Variants in AJM1 observed in about 807,000 individuals in gnomAD.
The protein encoded by AJM1 is uncharacterized protein C9orf172.
A neutral mutation model predicts 43.0 loss-of-function variants in AJM1; 22 were observed. The observed-to-expected ratio is 0.51, with a 90% confidence interval of 0.37 to 0.73. The LOEUF (loss-of-function observed/expected upper bound fraction) is 0.73. AJM1 is among the 30% of genes least tolerant of loss of function. AJM1 has a pLI of 0.00. For synonymous variants in AJM1, 719 were observed against 638.3 expected (o/e 1.13, Z -1.91); for missense variants, 1,305 against 1,343.3 (o/e 0.97, Z 0.45).
Position 136,846,323 on chromosome 9 carries a change from G to A in AJM1, c.1909G>A (p.Gly637Ser). Residue 637 changes from glycine to serine, a missense_variant, in exon 3 of 3, where the codon GGC becomes AGC. Around this residue, in one of 6 missense-constraint regions of AJM1, gnomAD observed 391 missense variants for 507.5 expected, o/e 0.77. Transcript: ENST00000436881. ...APPRSPPASA[G>S]SAEEPAAPGE... ...GCCACGCTCGCCCCCCGCCTCGGCC[G>A]GCAGCGCCGAGGAGCCCGCGGCCCC... 3.3e-6 allele frequency: 4 copies of A among 1,221,608 alleles called. No homozygotes were observed. Among genetic ancestry groups the A allele is most frequent in the Non-Finnish European group, 4.1e-6 (4 of 969,782 alleles). 75.7% of individuals were successfully genotyped at this position (1,221,608 alleles called of 1,614,324 possible).
rs1280486113 is a variant in AJM1 at position 136,842,478 on chromosome 9, G to A, written c.-255G>A. Among the ~76,000 whole-genome samples, 4 of 152,192 alleles carry A rather than the reference G, an allele frequency of 2.6e-5. No homozygotes were observed. The highest frequency in any genetic ancestry group is 4.4e-5 in the Non-Finnish European group (3 of 68,032). On this transcript the variant is annotated 5_prime_UTR_variant, in exon 1 of 3. Transcript: ENST00000436881. ...ACTGAGCAGCCAGGCCAGGATCCGC[G>A]CTGCTGCCTGGAAGCTTCTGCCCGT...
rs1434122193 is a variant in AJM1, at chr9:136,845,719, GCCC to G, written c.1307_1309del (p.Pro436del). ...GGCACGGCGGCACCGGCACCAGTCC[GCCC>G]CGGCTGGCCACCGACAGCCGCCACT... On this transcript the variant is annotated inframe_deletion, in exon 3 of 3. Transcript: ENST00000436881. The G allele has an allele frequency of 6.4e-7, 1 of 1,561,212 alleles. No individual in the cohort carries two copies. The highest frequency in any genetic ancestry group is 1.4e-5 in the African/African-American group (1 of 73,718).
Position 136,845,367 on chromosome 9 carries a change from C to G in AJM1, c.953C>G (p.Pro318Arg). ...TATCCGTCCGAGGAGCTCTCGGGGCCCAGTCCAAGGCGCATGGGCGGCTAC... is the reference window on the plus strand; with the variant it reads ...TATCCGTCCGAGGAGCTCTCGGGGCGCAGTCCAAGGCGCATGGGCGGCTAC... ...RPYPSEELSG[P>R]SPRRMGGYYA... The change falls in exon 3 of 3, where the codon CCC (proline) becomes CGC (arginine). Residue 318 changes from proline to arginine, a missense_variant. This residue lies in a region of AJM1 where 653 missense variants were observed against 549.1 expected (regional missense o/e 1.19). Transcript: ENST00000436881. 6.2e-7 allele frequency: 1 copy of G among 1,612,416 alleles called. No individual in the cohort carries two copies.
At position 136,847,291 on chromosome 9, in the gene AJM1, G is replaced by C; in HGVS notation, c.2877G>C (p.Glu959Asp). ...TGTGCATGATCATGGCCGCCTCCGAGCCGCGCGCGCTCGACTGGGTGGCCA... is the reference window on the plus strand; with the variant it reads ...TGTGCATGATCATGGCCGCCTCCGACCCGCGCGCGCTCGACTGGGTGGCCA... ...PFMCMIMAAS[E>D]PRALDWVASA... is the part of the protein sequence containing the mutation. Residue 959 changes from glutamate to aspartate, a missense_variant, in exon 3 of 3, where the codon GAG (glutamate) becomes GAC (aspartate). Physicochemically the swap from Glu to Asp is conservative, Grantham distance 45 (BLOSUM62 2). This residue lies in a region of AJM1 where 116 missense variants were observed against 113.4 expected (regional missense o/e 1.02). Coordinates refer to ENST00000436881, the MANE Select transcript of AJM1 (RefSeq NM_001080482.5). 6.4e-7 allele frequency: 1 copy of C among 1,556,614 alleles called. No individual in the cohort carries two copies. The highest frequency in any genetic ancestry group is 2.4e-5 in the East Asian group (1 of 41,034).
At position 136,845,356 on chromosome 9, in the gene AJM1, G is replaced by C. The variant is rs1332451683; in HGVS notation, c.942G>C (p.Glu314Asp). 4 of 1,612,418 alleles carry C rather than the reference G, an allele frequency of 2.5e-6. No individual in the cohort carries two copies. The highest frequency in any genetic ancestry group is 3.4e-6 in the Non-Finnish European group (4 of 1,179,838). Residue 314 changes from glutamate (E) to aspartate (D), a missense_variant, in exon 3 of 3, where the codon GAG becomes GAC. By Grantham distance (45) the Glu-to-Asp change is conservative. Coordinates refer to ENST00000436881, the MANE Select transcript of AJM1 (RefSeq NM_001080482.5). ...AYYPRPYPSE[E>D]LSGPSPRRMG... ...ACCCCAGGCCCTATCCGTCCGAGGA[G>C]CTCTCGGGGCCCAGTCCAAGGCGCA...
At chr9:136,843,248 G>T (rs534868294) in intron 1 of AJM1, among the ~76,000 whole-genome samples, 1 of 152,370 alleles carries the variant, frequency 6.6e-6, no homozygotes, top group South Asian at 2.1e-4. Flanking sequence ...GTGTGCAGAG[G>T]CCAGGCCTGT....
chr9:136,844,074 G>A (rs1252186798), intron 1 of AJM1, among the ~76,000 whole-genome samples, 122 bp from the exon 2 acceptor site: 1 of 152,156 alleles, frequency 6.6e-6, no homozygotes, highest in Non-Finnish European at 1.5e-5. Context: ...AGCTTCACGC[G>A]GGAGCTCCCG....
At position 136,845,150 on chromosome 9, in the gene AJM1, T is replaced by C. The variant is rs1454214271; in HGVS notation, c.736T>C (p.Cys246Arg). 2 of 1,581,516 alleles carry C rather than the reference T, an allele frequency of 1.3e-6. No homozygotes were observed. The highest frequency in any genetic ancestry group is 1.7e-6 in the Non-Finnish European group (2 of 1,169,312). Residue 246 changes from cysteine (C) to arginine (R), a missense_variant, in exon 3 of 3, where the codon TGT (cysteine) becomes CGT (arginine). This residue lies in a region of AJM1 where 653 missense variants were observed against 549.1 expected (regional missense o/e 1.19). Transcript: ENST00000436881. ...CACCCCGACGCCCAGCGACTCATACTGTGCGGATCCCCGGGCGTTCTACTG... is the reference window on the plus strand; with the variant it reads ...CACCCCGACGCCCAGCGACTCATACCGTGCGGATCCCCGGGCGTTCTACTG... ...SRTPTPSDSY[C>R]ADPRAFYCDG... is the part of the protein sequence containing the mutation.
rs1049369287 is a variant in AJM1, at chr9:136,847,500, G to A, written c.*155G>A. 1.3e-5 allele frequency: 8 copies of A among 597,118 alleles called. No individual in the cohort carries two copies. The highest frequency in any genetic ancestry group is 4.2e-5 in the Admixed American group (1 of 23,962). 37.0% of individuals were successfully genotyped at this position (597,118 alleles called of 1,614,324 possible). A position where few individuals can be genotyped will look rare whatever the true frequency, so the allele number is the denominator to read the frequency against. On this transcript the variant is annotated 3_prime_UTR_variant, in exon 3 of 3. Transcript: ENST00000436881. ...CGCCTCTAATTCCCCAGCCTTCCAAGCTCCGCTCAGTTCGGCCTCCAGCTC... is the reference window on the plus strand; with the variant it reads ...CGCCTCTAATTCCCCAGCCTTCCAAACTCCGCTCAGTTCGGCCTCCAGCTC...
rs913856987 is a variant in AJM1 at position 136,847,642 on chromosome 9, C to T, written c.*297C>T. ...CGGGCCTCCTCCCTCTCCCAGCTCG[C>T]CCTCGAGGATCCCCAGAAGAAGTCG... On this transcript the variant is annotated 3_prime_UTR_variant, in exon 3 of 3. Coordinates refer to ENST00000436881, the MANE Select transcript of AJM1 (RefSeq NM_001080482.5). 1.8e-3 allele frequency: 671 copies of T among 382,028 alleles called. 5 individuals carry two copies. The highest frequency in any genetic ancestry group is 3.1e-4 in the Non-Finnish European group (67 of 213,844). The allele number at this position is 382,028 out of a possible 1,614,324, so 23.7% of individuals were successfully genotyped here.
In AJM1 at chr9:136,845,353, G is replaced by C. The variant is rs557541546; in HGVS notation, c.939G>C (p.Glu313Asp). The change falls in exon 3 of 3, where the codon GAG becomes GAC. Residue 313 changes from glutamate to aspartate, a missense_variant. Physicochemically the swap from Glu to Asp is conservative, Grantham distance 45. Transcript: ENST00000436881. Reference sequence around the variant, plus strand: ...ACTACCCCAGGCCCTATCCGTCCGAGGAGCTCTCGGGGCCCAGTCCAAGGC... The same window carrying C: ...ACTACCCCAGGCCCTATCCGTCCGACGAGCTCTCGGGGCCCAGTCCAAGGC... ...DAYYPRPYPS[E>D]ELSGPSPRRM... is the part of the protein sequence containing the mutation. The C allele has an allele frequency of 8.7e-6, 14 of 1,612,440 alleles. No homozygotes were observed. The East Asian group carries it at 3.1e-4, about 36-fold the overall frequency.
rs765576610 is a variant in AJM1 at position 136,845,073 on chromosome 9, C to T, written c.659C>T (p.Pro220Leu). The T allele has an allele frequency of 7.9e-6, 9 of 1,141,666 alleles. No individual in the cohort carries two copies. The highest frequency in any genetic ancestry group is 2.5e-5 in the East Asian group (1 of 40,504). 70.7% of individuals were successfully genotyped at this position (1,141,666 alleles called of 1,614,324 possible). A position where few individuals can be genotyped will look rare whatever the true frequency, so the allele number is the denominator to read the frequency against. The stretch of plus-strand genomic sequence containing the variant: ...GCCGCGCACTGGGCCCGCCCCGCCC[C>T]GCAGTTCCACGGCCTCACGGTGCCC... ...TEAAHWARPAPQFHGLTVPGP... is the reference protein window; with the variant it reads ...TEAAHWARPALQFHGLTVPGP... The change falls in exon 3 of 3, where the codon CCG becomes CTG. Residue 220 changes from proline to leucine, a missense_variant. Physicochemically the swap from Pro to Leu is moderately conservative, Grantham distance 98. Around this residue, in one of 6 missense-constraint regions of AJM1, gnomAD observed 653 missense variants for 549.1 expected, o/e 1.19. Transcript: ENST00000436881.
chr9:136,846,697 G>A lies in AJM1; in HGVS notation c.2283G>A (p.Ser761=), dbSNP rs894677209. 2.5e-6 allele frequency: 4 copies of A among 1,603,862 alleles called. No homozygotes were observed. The African/African-American group carries it at 4.0e-5, about 16-fold the overall frequency. The change falls in exon 3 of 3, where the codon TCG becomes TCA. Residue 761 remains serine, a synonymous_variant. Transcript: ENST00000436881. ...TCCTGGGCTTCCCAAGTCCAGGCTCGGCCGACAACTTCCTGCGCTTTGGCC... is the reference window on the plus strand; with the variant it reads ...TCCTGGGCTTCCCAAGTCCAGGCTCAGCCGACAACTTCCTGCGCTTTGGCC... ...VLFLGFPSPG[S]ADNFLRFGLE...
rs1313119388 is a variant in AJM1, at chr9:136,845,454, A to T, written c.1040A>T (p.Glu347Val). The T allele has an allele frequency of 1.9e-6, 3 of 1,610,442 alleles. No individual in the cohort carries two copies. The highest frequency in any genetic ancestry group is 2.5e-6 in the Non-Finnish European group (3 of 1,179,150). ...CCGCCCTCCCGCTCCTACTATGGGGAGGCTCCACGAGCCTACGGCCTGCCC... is the reference window on the plus strand; with the variant it reads ...CCGCCCTCCCGCTCCTACTATGGGGTGGCTCCACGAGCCTACGGCCTGCCC... ...QEPPSRSYYG[E>V]APRAYGLPYG... The change falls in exon 3 of 3, where the codon GAG becomes GTG. Residue 347 changes from glutamate (E) to valine (V), a missense_variant. Transcript: ENST00000436881.
chr9:136,845,194 G>A lies in AJM1; in HGVS notation c.780G>A (p.Gly260=). The A allele has an allele frequency of 1.3e-6, 2 of 1,587,978 alleles. No individual in the cohort carries two copies. Among genetic ancestry groups the A allele is most frequent in the Non-Finnish European group, 1.7e-6 (2 of 1,175,250 alleles). The part of the protein sequence containing the change: ...RAFYCDGPLP[G]PRDYAERRSL... Reference sequence around the variant, plus strand: ...TCTACTGCGACGGGCCCCTGCCTGGGCCCCGGGACTACGCCGAGCGCCGCA... The same window carrying A: ...TCTACTGCGACGGGCCCCTGCCTGGACCCCGGGACTACGCCGAGCGCCGCA... Residue 260 remains glycine, a synonymous_variant, in exon 3 of 3, where the codon GGG becomes GGA. Coordinates refer to ENST00000436881, the MANE Select transcript of AJM1 (RefSeq NM_001080482.5).
chr9:136,847,271 A>G lies in AJM1; in HGVS notation c.2857A>G (p.Met953Val), dbSNP rs1005288321. The G allele has an allele frequency of 1.3e-6, 2 of 1,588,614 alleles. No homozygotes were observed. Among genetic ancestry groups the G allele is most frequent in the Non-Finnish European group, 1.7e-6 (2 of 1,172,196 alleles). The change falls in exon 3 of 3, where the codon ATG becomes GTG. Residue 953 changes from methionine (M) to valine (V), a missense_variant. By Grantham distance (21) the Met-to-Val change is conservative. This residue lies in a region of AJM1 where 116 missense variants were observed against 113.4 expected (regional missense o/e 1.02). Coordinates refer to ENST00000436881, the MANE Select transcript of AJM1 (RefSeq NM_001080482.5). The part of the protein sequence containing the change: ...DRRTGRPFMC[M>V]IMAASEPRAL... ...GCGCACCGGCCGCCCCTTCATGTGCATGATCATGGCCGCCTCCGAGCCGCG... is the reference window on the plus strand; with the variant it reads ...GCGCACCGGCCGCCCCTTCATGTGCGTGATCATGGCCGCCTCCGAGCCGCG...
In AJM1 at chr9:136,846,573, G is replaced by T; in HGVS notation, c.2159G>T (p.Arg720Leu). ...CVYGRVGSVC[R>L]HVLQFCRDSG... is the part of the protein sequence containing the mutation. ...TACGGCCGCGTGGGCAGCGTGTGCC[G>T]CCACGTACTGCAGTTTTGCCGCGAC... Residue 720 changes from arginine (R) to leucine (L), a missense_variant, in exon 3 of 3, where the codon CGC becomes CTC. By Grantham distance (102) the Arg-to-Leu change is moderately radical. Coordinates refer to ENST00000436881, the MANE Select transcript of AJM1 (RefSeq NM_001080482.5). 1 of 1,592,162 alleles carries T rather than the reference G, an allele frequency of 6.3e-7. No homozygotes were observed.
rs982587317 is a variant in AJM1 at position 136,847,397 on chromosome 9, C to T, written c.*52C>T. On this transcript the variant is annotated 3_prime_UTR_variant, in exon 3 of 3. Coordinates refer to ENST00000436881, the MANE Select transcript of AJM1 (RefSeq NM_001080482.5). Reference sequence around the variant, plus strand: ...AGGCGCTGGCCCGAACCCTGCCCTGCCCACTCAGGCCCCGCCCGGCCCACC... The same window carrying T: ...AGGCGCTGGCCCGAACCCTGCCCTGTCCACTCAGGCCCCGCCCGGCCCACC... 6 of 1,348,970 alleles carry T rather than the reference C, an allele frequency of 4.4e-6. No homozygotes were observed. Among genetic ancestry groups the T allele is most frequent in the Non-Finnish European group, 5.8e-6 (6 of 1,037,562 alleles). 83.6% of individuals were successfully genotyped at this position (1,348,970 alleles called of 1,614,324 possible). A position where few individuals can be genotyped will look rare whatever the true frequency, so the allele number is the denominator to read the frequency against.
In AJM1 at chr9:136,847,498, A is replaced by C; in HGVS notation, c.*153A>C. Reference sequence around the variant, plus strand: ...CCCGCCTCTAATTCCCCAGCCTTCCAAGCTCCGCTCAGTTCGGCCTCCAGC... The same window carrying C: ...CCCGCCTCTAATTCCCCAGCCTTCCCAGCTCCGCTCAGTTCGGCCTCCAGC... On this transcript the variant is annotated 3_prime_UTR_variant, in exon 3 of 3. Transcript: ENST00000436881. 3.4e-6 allele frequency: 2 copies of C among 580,712 alleles called. No individual in the cohort carries two copies. The highest frequency in any genetic ancestry group is 2.7e-6 in the Non-Finnish European group (1 of 370,286). 36.0% of individuals were successfully genotyped at this position (580,712 alleles called of 1,614,324 possible).
Sources: allele counts gnomAD v4.1 joint callset (sites outside exome capture counted in the v4.1 genomes callset), GRCh38; gene constraint gnomAD v4.1.1; regional missense constraint gnomAD v4.1.1; transcripts MANE v1.5; gene names NCBI Gene and HGNC (gene_info 2026-07-23, HGNC 2026-07-21).